Variants in TASL observed in about 807,000 individuals in gnomAD.
TASL encodes TLR adaptor interacting with endolysosomal SLC15A4.
In TASL, 6 loss-of-function variants were observed where a neutral mutation model predicts 12.9. That is an observed-to-expected ratio of 0.46 (90% CI 0.25 to 0.92). The LOEUF is 0.92. TASL is among the 40% of genes least tolerant of loss of function. TASL has a pLI of 0.17. For synonymous variants in TASL, 85 were observed against 79.3 expected, an observed-to-expected ratio of 1.07 and a Z score of -0.38; for missense variants, 165 against 212.8, an observed-to-expected ratio of 0.78 and a Z score of 1.40.
rs1930398458 is a variant in TASL at position 30,560,222 on chromosome X, G to C, written c.134C>G (p.Ser45Cys). Residue 45 changes from serine (S) to cysteine (C), a missense_variant, in exon 3 of 3, where the codon TCT (serine) becomes TGT (cysteine). Physicochemically the swap from Ser to Cys is moderately radical, Grantham distance 112 (BLOSUM62 -1). Transcript: ENST00000378962. ...TNSVATLSYS[S>C]VDETQVRSLY... ...ACTTCTGACTTGTGTTTCATCCACA[G>C]AGGAATAGGAAAGGGTAGCAACAGA... The C allele has an allele frequency of 8.3e-7, 1 of 1,211,120 alleles. No individual in the cohort carries two copies. The highest frequency in any genetic ancestry group is 1.1e-6 in the Non-Finnish European group (1 of 895,206).
intron 2 of TASL, among the ~76,000 whole-genome samples, chrX:30,571,260 A>AAGAAAG (rs1555998441): frequency 1.5e-4 from 1 of 6,514 alleles, no homozygotes; most frequent in Non-Finnish European, 2.9e-4. Flanking sequence ...AAGAAAGAGA[A>AAGAAAG]AGAAAGAAAG....
chrX:30,574,477 C>T (rs1930679263), intron 2 of TASL, among the ~76,000 whole-genome samples: 1 of 111,376 alleles, frequency 9.0e-6, no homozygotes. Flanking sequence ...GATGATGAGG[C>T]AAAACAGATC....
At chrX:30,564,268 T>C (rs1283067165) in intron 2 of TASL, among the ~76,000 whole-genome samples, 1 of 110,930 alleles carries the variant, frequency 9.0e-6, no homozygotes, top group Admixed American at 9.6e-5. Context: ...AGATGGAAAA[T>C]AAAACTAGAG....
intron 2 of TASL, among the ~76,000 whole-genome samples, chrX:30,571,326 G>GAAAGAAAGAAAGAAAGAAAGAAAC (rs947938935): frequency 3.8e-5 from 4 of 105,513 alleles, no homozygotes; most frequent in African/African-American, 1.0e-4. Context: ...AAGAAAGAAA[G>GAAAGAAAGAAAGAAAGAAAGAAAC]AAACCCATTT....
chrX:30,565,278 A>G (rs1350101203), intron 2 of TASL, among the ~76,000 whole-genome samples: 1 of 111,659 alleles, frequency 9.0e-6, no homozygotes, highest in Admixed American at 9.5e-5. Context: ...AGAAGTTGTG[A>G]AGAGGAGACC....
At position 30,560,213 on chromosome X, in the gene TASL, T is replaced by C; in HGVS notation, c.143A>G (p.Glu48Gly). The C allele has an allele frequency of 8.3e-7, 1 of 1,211,568 alleles. No individual in the cohort carries two copies. Among genetic ancestry groups the C allele is most frequent in the Non-Finnish European group, 1.1e-6 (1 of 895,410 alleles). ...VATLSYSSVD[E>G]TQVRSLYVSC... ...CACGTAGAGACTTCTGACTTGTGTT[T>C]CATCCACAGAGGAATAGGAAAGGGT... Residue 48 changes from glutamate to glycine, a missense_variant, in exon 3 of 3, where the codon GAA (glutamate) becomes GGA (glycine). By Grantham distance (98) the Glu-to-Gly change is moderately conservative. Transcript: ENST00000378962.
chrX:30,560,108 A>G lies in TASL; in HGVS notation c.248T>C (p.Val83Ala), dbSNP rs753576613. The G allele has an allele frequency of 2.5e-6, 3 of 1,210,768 alleles. No individual in the cohort carries two copies. In the East Asian group the frequency reaches 8.9e-5, roughly 36 times the overall value. Residue 83 changes from valine (V) to alanine (A), a missense_variant, in exon 3 of 3, where the codon GTG becomes GCG. By Grantham distance (64) the Val-to-Ala change is moderately conservative. Transcript: ENST00000378962. Reference sequence around the variant, plus strand: ...CACAGGATTGGGGTTTGTCTGCAGCACTGTGACTCTCTGACTTCTGCTATG... The same window carrying G: ...CACAGGATTGGGGTTTGTCTGCAGCGCTGTGACTCTCTGACTTCTGCTATG... ...SQHSRSQRVTVLQTNPNPVFE... is the reference protein window; with the variant it reads ...SQHSRSQRVTALQTNPNPVFE...
At chrX:30,565,735 A>G (rs1930488342) in intron 2 of TASL, among the ~76,000 whole-genome samples, 1 of 112,150 alleles carries the variant, frequency 8.9e-6, no homozygotes, top group African/African-American at 3.2e-5. Flanking sequence ...TTAAATACTG[A>G]AGATTGCTAA....
chrX:30,562,739 C>A (rs1418292451), intron 2 of TASL, among the ~76,000 whole-genome samples: 2 of 110,616 alleles, frequency 1.8e-5, no homozygotes, highest in Non-Finnish European at 3.8e-5. Flanking sequence ...AGTACTTTCC[C>A]ACCACTCTGG....
intron 2 of TASL, among the ~76,000 whole-genome samples, chrX:30,561,694 A>AT (rs72131494): frequency 0.014 from 1,544 of 108,350 alleles, 33 homozygotes; most frequent in African/African-American, 0.048. Flanking sequence ...TAAGATAGTA[A>AT]TTTTTTTTTT....
At chrX:30,570,877 G>C (rs1930583131) in intron 2 of TASL, among the ~76,000 whole-genome samples, 1 of 111,114 alleles carries the variant, frequency 9.0e-6, no homozygotes. Context: ...CCACTTTAAT[G>C]CACTTAAAAG....
rs929032324 is a variant in TASL at position 30,559,464 on chromosome X, T to G, written c.892A>C (p.Asn298His). 4.2e-6 allele frequency: 5 copies of G among 1,184,168 alleles called. No individual in the cohort carries two copies. Among genetic ancestry groups the G allele is most frequent in the Non-Finnish European group, 4.5e-6 (4 of 880,142 alleles). Residue 298 changes from asparagine (N) to histidine (H), a missense_variant, in exon 3 of 3, where the codon AAT (asparagine) becomes CAT (histidine). Asn to His is a moderately conservative substitution (Grantham distance 68). Coordinates refer to ENST00000378962, the MANE Select transcript of TASL (RefSeq NM_025159.3). ...TPSLHISQYS[N>H]VNP ...AAGCATCCTCTCTATGGATTTACATTGCTATACTGAGAAATATGGAGACTA... is the reference window on the plus strand; with the variant it reads ...AAGCATCCTCTCTATGGATTTACATGGCTATACTGAGAAATATGGAGACTA...
At chrX:30,561,642 A>G (rs1443957201) in intron 2 of TASL, among the ~76,000 whole-genome samples, 1 of 111,957 alleles carries the variant, frequency 8.9e-6, no homozygotes, top group Non-Finnish European at 1.9e-5. Flanking sequence ...ATTGTTTCCC[A>G]GGTAAATAAA....
intron 2 of TASL, among the ~76,000 whole-genome samples, chrX:30,571,286 GAA>G (rs765040268): frequency 1.5e-5 from 1 of 64,901 alleles, no homozygotes; most frequent in Admixed American, 1.7e-4. Context: ...AAGAAAGAAA[GAA>G]AGAAAGAAAG....
chrX:30,569,306 T>G (rs1930554174), intron 2 of TASL, among the ~76,000 whole-genome samples: 1 of 109,693 alleles, frequency 9.1e-6, no homozygotes, highest in African/African-American at 3.3e-5. Context: ...CCCCCAGACA[T>G]GGAAGTGAAG....
chrX:30,559,499 A>C lies in TASL; in HGVS notation c.857T>G (p.Ile286Ser), dbSNP rs747370788. 1 of 1,201,569 alleles carries C rather than the reference A, an allele frequency of 8.3e-7. No homozygotes were observed. Among genetic ancestry groups the C allele is most frequent in the African/African-American group, 1.8e-5 (1 of 57,068 alleles). The change falls in exon 3 of 3, where the codon ATT becomes AGT. Residue 286 changes from isoleucine (I) to serine (S), a missense_variant. By Grantham distance (142) the Ile-to-Ser change is moderately radical. Coordinates refer to ENST00000378962, the MANE Select transcript of TASL (RefSeq NM_025159.3). ...AGAAATATGGAGACTAGGAGTGCTA[A>C]TTTCAGTAATTTCAGTTGACATCAA... ...LQLMSTEITE[I>S]STPSLHISQY... is the part of the protein sequence containing the mutation.
rs1169696726 is a variant in TASL, at chrX:30,559,341, C to G, written c.*109G>C. The G allele has an allele frequency of 1.3e-5, 7 of 559,899 alleles. No homozygotes were observed. Among genetic ancestry groups the G allele is most frequent in the Non-Finnish European group, 2.0e-5 (7 of 349,033 alleles). 46.1% of individuals were successfully genotyped at this position (559,899 alleles called of 1,213,427 possible). Reference sequence around the variant, plus strand: ...TGACTTCCAGCTGATCTTTACTTCTCTAGCCCTTAATTCCCCTTCACTAAC... The same window carrying G: ...TGACTTCCAGCTGATCTTTACTTCTGTAGCCCTTAATTCCCCTTCACTAAC... On this transcript the variant is annotated 3_prime_UTR_variant, in exon 3 of 3. Transcript: ENST00000378962.
chrX:30,575,442 T>C (rs911629776), intron 2 of TASL, among the ~76,000 whole-genome samples: 2 of 111,575 alleles, frequency 1.8e-5, no homozygotes, highest in Non-Finnish European at 3.8e-5. Flanking sequence ...ACCTGTTCCT[T>C]AGAGCTGGAA....
At chrX:30,561,860 T>TAA (rs5901952) in intron 2 of TASL, among the ~76,000 whole-genome samples, 3,086 of 96,552 alleles carry the variant, frequency 0.032, 134 homozygotes, top group African/African-American at 0.11. Flanking sequence ...TTATAAGGAT[T>TAA]AAAAAAAAAA....
Sources: allele counts gnomAD v4.1 joint callset (sites outside exome capture counted in the v4.1 genomes callset), GRCh38; gene constraint gnomAD v4.1.1; transcripts MANE v1.5; gene names NCBI Gene and HGNC (gene_info 2026-07-23, HGNC 2026-07-21).